CHMP4C: variants seen among roughly 807,000 people sequenced by gnomAD.
The protein encoded by CHMP4C is SNF7 homolog associated with Alix 3.
In CHMP4C, 28 loss-of-function variants were observed where a neutral mutation model predicts 29.0. The observed-to-expected ratio is 0.97, with a 90% confidence interval of 0.72 to 1.32. CHMP4C has a LOEUF of 1.32. Among genes scored for constraint, CHMP4C ranks in the 40% most tolerant of loss-of-function variants. The pLI, the probability that CHMP4C is intolerant of heterozygous loss-of-function variation, is 0.00. For missense variants in CHMP4C, 291 were observed against 281.0 expected (o/e 1.04, Z -0.25); for synonymous variants, 106 against 102.4 (o/e 1.04, Z -0.21).
chr8:81,743,723 T>C (rs1331312951), intron 1 of CHMP4C, among the ~76,000 whole-genome samples: 2 of 152,186 alleles, frequency 1.3e-5, no homozygotes, highest in East Asian at 1.9e-4. Flanking sequence ...TTCTCAGATT[T>C]ACCTTTTTAA....
chr8:81,758,474 T>C lies in CHMP4C; in HGVS notation c.638-6T>C. Reference sequence around the variant, plus strand: ...ATTACTAATTTTTATCTATTTTATGTTCCAGCATCTTCCCAGAGGGCAGAA... The same window carrying C: ...ATTACTAATTTTTATCTATTTTATGCTCCAGCATCTTCCCAGAGGGCAGAA... On this transcript the variant is annotated splice_region_variant and splice_polypyrimidine_tract_variant and intron_variant, in intron 4 of 4. Coordinates refer to ENST00000297265, the MANE Select transcript of CHMP4C (RefSeq NM_152284.4). 6.2e-7 allele frequency: 1 copy of C among 1,610,254 alleles called. No homozygotes were observed. Among genetic ancestry groups the C allele is most frequent in the Non-Finnish European group, 8.5e-7 (1 of 1,176,736 alleles).
chr8:81,732,687 A>G lies in CHMP4C; in HGVS notation c.61A>G (p.Ser21Gly), dbSNP rs781084225. Residue 21 changes from serine (S) to glycine (G), a missense_variant, in exon 1 of 5, where the codon AGT becomes GGT. By Grantham distance (56) the Ser-to-Gly change is moderately conservative. Transcript: ENST00000297265. ...CTCTTCTAAGAGCCGAGCCGCTCCCAGTCCCCAGGAGGCCCTGGTCCGACT... is the reference window on the plus strand; with the variant it reads ...CTCTTCTAAGAGCCGAGCCGCTCCCGGTCCCCAGGAGGCCCTGGTCCGACT... ...GGSSKSRAAP[S>G]PQEALVRLRE... 3.1e-6 allele frequency: 5 copies of G among 1,587,594 alleles called. No individual in the cohort carries two copies. Among genetic ancestry groups the G allele is most frequent in the African/African-American group, 2.7e-5 (2 of 74,650 alleles).
intron 1 of CHMP4C, among the ~76,000 whole-genome samples, chr8:81,742,842 C>T (rs753893397): frequency 7.9e-5 from 12 of 151,972 alleles, no homozygotes; most frequent in Non-Finnish European, 1.5e-4. Context: ...TCAAAGACCC[C>T]GTATGTAAGA....
intron 1 of CHMP4C, among the ~76,000 whole-genome samples, chr8:81,737,097 A>G (rs1178454008): frequency 1.3e-5 from 2 of 152,238 alleles, no homozygotes; most frequent in Non-Finnish European, 2.9e-5. Flanking sequence ...CAGTTTATTT[A>G]GATTACTATG....
In CHMP4C at chr8:81,758,314, C is replaced by A; in HGVS notation, c.637+19C>A. On this transcript the variant is annotated intron_variant, in intron 4 of 4. Coordinates refer to ENST00000297265, the MANE Select transcript of CHMP4C (RefSeq NM_152284.4). ...CGAGCAGGTCTGTTACCCAGCTCAA[C>A]TACATGTGGTCAGATAGTTGCCTAA... 1 of 1,613,386 alleles carries A rather than the reference C, an allele frequency of 6.2e-7. No individual in the cohort carries two copies. Among genetic ancestry groups the A allele is most frequent in the Non-Finnish European group, 8.5e-7 (1 of 1,179,504 alleles).
At chr8:81,737,320 T>A (rs926142885) in intron 1 of CHMP4C, among the ~76,000 whole-genome samples, 2 of 152,136 alleles carry the variant, frequency 1.3e-5, no homozygotes, top group Non-Finnish European at 2.9e-5. Flanking sequence ...TTCTGACCTG[T>A]GGGCCAGGGT....
At chr8:81,758,439 A>C in intron 4 of CHMP4C, 41 bp from the exon 5 acceptor site, 1 of 1,557,818 alleles carries the variant, frequency 6.4e-7, no homozygotes, top group Non-Finnish European at 8.8e-7. Flanking sequence ...TGAAAGTGTG[A>C]ATGTCACCAA....
chr8:81,750,049 T>A (rs1040585580), intron 1 of CHMP4C, among the ~76,000 whole-genome samples: 5 of 152,114 alleles, frequency 3.3e-5, no homozygotes, highest in African/African-American at 4.8e-5. Flanking sequence ...AGCCTGATGA[T>A]GCAATAGAAA....
At chr8:81,754,919 T>C (rs1808951097) in intron 2 of CHMP4C, among the ~76,000 whole-genome samples, 1 of 151,972 alleles carries the variant, frequency 6.6e-6, no homozygotes, top group African/African-American at 2.4e-5. Flanking sequence ...AAAAAATAGA[T>C]CTCTAGACCC....
intron 1 of CHMP4C, among the ~76,000 whole-genome samples, chr8:81,751,266 T>C (rs1385818991): frequency 6.7e-6 from 1 of 150,118 alleles, no homozygotes; most frequent in Non-Finnish European, 1.5e-5. Context: ...AGTAAGAAAT[T>C]TATAAATGAT....
intron 1 of CHMP4C, among the ~76,000 whole-genome samples, chr8:81,734,333 G>A (rs1048460309): frequency 3.9e-5 from 6 of 152,098 alleles, no homozygotes; most frequent in Non-Finnish European, 5.9e-5. Flanking sequence ...TATTGGTGGT[G>A]GTTGTTGTTG....
chr8:81,739,316 A>C (rs1340639959), intron 1 of CHMP4C, among the ~76,000 whole-genome samples: 1 of 145,360 alleles, frequency 6.9e-6, no homozygotes, highest in Non-Finnish European at 1.5e-5. Flanking sequence ...AGACTTATCC[A>C]GTATTCAAAT....
At chr8:81,732,995 T>C in intron 1 of CHMP4C, 179 bp downstream of exon 1, 1 of 470,652 alleles carries the variant, frequency 2.1e-6, no homozygotes. Context: ...ACACTGGCAC[T>C]GATGGCAAAA....
intron 1 of CHMP4C, among the ~76,000 whole-genome samples, chr8:81,740,442 G>C (rs1808749319): frequency 6.6e-6 from 1 of 152,224 alleles, no homozygotes; most frequent in Non-Finnish European, 1.5e-5. Flanking sequence ...TATGACAGGA[G>C]ATGGCGCTCA....
chr8:81,732,909 GC>G, intron 1 of CHMP4C, 93 bp downstream of exon 1: 1 of 1,215,670 alleles, frequency 8.2e-7, no homozygotes, highest in Non-Finnish European at 1.1e-6. Flanking sequence ...TCCCCAGGTG[GC>G]CAGGTTTGCT....
At chr8:81,755,746 T>A (rs978330732) in intron 3 of CHMP4C, among the ~76,000 whole-genome samples, 2 of 152,194 alleles carry the variant, frequency 1.3e-5, no homozygotes, top group Non-Finnish European at 2.9e-5. Context: ...TGACTTTTAG[T>A]GGTTGAAGCC....
chr8:81,733,452 A>G (rs572184099), intron 1 of CHMP4C, among the ~76,000 whole-genome samples: 35 of 152,156 alleles, frequency 2.3e-4, no homozygotes, highest in African/African-American at 8.4e-4. Context: ...AGAAAAGGAT[A>G]TTCTAGTACG....
intron 2 of CHMP4C, among the ~76,000 whole-genome samples, chr8:81,753,698 C>A (rs1465956936): frequency 2.0e-5 from 3 of 152,032 alleles, no homozygotes; most frequent in Non-Finnish European, 2.9e-5. Context: ...GTCTGAGAAC[C>A]ACTGACACAG....
chr8:81,733,017 G>T (rs1450200568), intron 1 of CHMP4C: 2 of 416,356 alleles, frequency 4.8e-6, no homozygotes, highest in Non-Finnish European at 4.3e-6. Flanking sequence ...GTAAGGGGCC[G>T]CCAAAAATCT....
Sources: gnomAD v4.1 joint callset for allele counts (sites outside exome capture counted in the v4.1 genomes callset) on GRCh38, gnomAD v4.1.1 for gene constraint, MANE v1.5 for transcripts, NCBI Gene and HGNC (gene_info 2026-07-23, HGNC 2026-07-21) for gene names.